The following ROBO2 variants were observed in gnomAD, a reference collection of about 807,000 sequenced individuals.
The protein encoded by ROBO2 is roundabout homolog 2.
A neutral mutation model predicts 160.8 loss-of-function variants in ROBO2; 53 were observed. That is an observed-to-expected ratio of 0.33 (90% CI 0.26 to 0.41). The LOEUF is 0.41. Ranked by LOEUF, ROBO2 falls within the 10% of genes least tolerant of loss-of-function variation. The pLI is 1.00. For synonymous variants in ROBO2, 664 were observed against 611.7 expected (o/e 1.09, Z -1.26); for missense variants, 1,577 against 1,722.4 (o/e 0.92, Z 1.49).
intron 2 of ROBO2, among the ~76,000 whole-genome samples, chr3:76,610,767 G>T (rs1374102083): frequency 6.6e-6 from 1 of 151,460 alleles, no homozygotes; most frequent in Non-Finnish European, 1.5e-5. Context: ...TCTTTCTCCT[G>T]TGGTCCAGCG....
chr3:77,052,774 A>G (rs1295915389), intron 1 of ROBO2, among the ~76,000 whole-genome samples: 1 of 152,202 alleles, frequency 6.6e-6, no homozygotes, highest in African/African-American at 2.4e-5. Context: ...GTTAGTGATC[A>G]TATTCAGAAT....
At chr3:77,002,730 G>A (rs11918007) in intron 2 of ROBO2, among the ~76,000 whole-genome samples, 81,018 of 151,792 alleles carry the variant, frequency 0.53, 22,434 homozygotes, top group East Asian at 0.8. Context: ...AATCTCACCC[G>A]TAGATAATTA....
chr3:77,177,138 C>A (rs2150799989), intron 2 of ROBO2, among the ~76,000 whole-genome samples: 1 of 152,076 alleles, frequency 6.6e-6, no homozygotes. Flanking sequence ...GGATATGTCT[C>A]ATTGATTAGA....
chr3:76,981,563 G>A (rs963517876), intron 2 of ROBO2, among the ~76,000 whole-genome samples: 3 of 152,150 alleles, frequency 2.0e-5, no homozygotes, highest in African/African-American at 7.2e-5. Flanking sequence ...TTAGGTATAA[G>A]TTATCAGATT....
intron 2 of ROBO2, among the ~76,000 whole-genome samples, chr3:76,001,594 G>T (rs2065890864): frequency 6.6e-6 from 1 of 152,174 alleles, no homozygotes; most frequent in Admixed American, 6.5e-5. Flanking sequence ...CTGCAGTGCA[G>T]TGGTGCAATC....
intron 2 of ROBO2, among the ~76,000 whole-genome samples, chr3:76,797,303 A>G (rs949542012): frequency 1.3e-5 from 2 of 152,176 alleles, no homozygotes; most frequent in African/African-American, 4.8e-5. Flanking sequence ...GAAACTACAA[A>G]TATGTGGAAA....
chr3:77,205,843 C>A (rs1032149624), intron 2 of ROBO2, among the ~76,000 whole-genome samples: 5 of 152,092 alleles, frequency 3.3e-5, no homozygotes, highest in African/African-American at 9.7e-5. Context: ...TTGAAACATG[C>A]GTAAGATCAG....
At chr3:76,167,737 T>A (rs184765366) in intron 2 of ROBO2, among the ~76,000 whole-genome samples, 1 of 152,326 alleles carries the variant, frequency 6.6e-6, no homozygotes, top group African/African-American at 2.4e-5. Flanking sequence ...TCTGAACAAG[T>A]TGACTTTCTT....
At chr3:76,818,154 C>T (rs959836716) in intron 2 of ROBO2, among the ~76,000 whole-genome samples, 24 of 151,768 alleles carry the variant, frequency 1.6e-4, no homozygotes, top group African/African-American at 5.6e-4. Flanking sequence ...ACATCCACAC[C>T]GACATCTATT....
chr3:76,486,225 T>G (rs547706524), intron 2 of ROBO2, among the ~76,000 whole-genome samples: 56 of 152,324 alleles, frequency 3.7e-4, no homozygotes, highest in African/African-American at 1.1e-3. Flanking sequence ...ACAGGGGCAT[T>G]GTCAAGATGA....
chr3:76,231,987 A>T lies in ROBO2; in HGVS notation c.109+294385A>T, dbSNP rs1014384791. Among the ~76,000 whole-genome samples the T allele has an allele frequency of 4.6e-5, 7 of 152,186 alleles. No individual in the cohort carries two copies. In the East Asian group the frequency reaches 1.3e-3, roughly 29 times the overall value. On this transcript the variant is annotated intron_variant, in intron 2 of 26. Transcript: ENST00000487694. Reference sequence around the variant, plus strand: ...AAAATTGTGTCCTCATTAGTAAAATAAATTTATAGATTAAAGGCTAACTTG... The same window carrying T: ...AAAATTGTGTCCTCATTAGTAAAATTAATTTATAGATTAAAGGCTAACTTG...
chr3:76,942,376 T>A (rs2078246482), intron 2 of ROBO2, among the ~76,000 whole-genome samples: 1 of 152,198 alleles, frequency 6.6e-6, no homozygotes, highest in Non-Finnish European at 1.5e-5. Context: ...CAGCCTCCTT[T>A]ATTGTTTTGA....
At chr3:77,538,807 A>C (rs987595990) in intron 6 of ROBO2, 3 of 448,754 alleles carry the variant, frequency 6.7e-6, no homozygotes, top group Non-Finnish European at 1.3e-5. Flanking sequence ...GTAAACATTT[A>C]TCTCTTACTA....
chr3:76,861,425 T>C (rs1480381411), intron 2 of ROBO2, among the ~76,000 whole-genome samples: 1 of 152,156 alleles, frequency 6.6e-6, no homozygotes, highest in Non-Finnish European at 1.5e-5. Flanking sequence ...ATTCTAATGC[T>C]ACTATTTTTG....
At chr3:76,123,589 T>G (rs1392360604) in intron 2 of ROBO2, among the ~76,000 whole-genome samples, 1 of 152,208 alleles carries the variant, frequency 6.6e-6, no homozygotes, top group East Asian at 1.9e-4. Context: ...TTTGCTGGTT[T>G]CCTCTGCTTC....
chr3:75,948,921 A>G (rs550450593), intron 2 of ROBO2, among the ~76,000 whole-genome samples: 2 of 152,226 alleles, frequency 1.3e-5, no homozygotes, highest in Admixed American at 1.3e-4. Flanking sequence ...CTGTTAGGAC[A>G]TTTATTTCCA....
intron 5 of ROBO2, among the ~76,000 whole-genome samples, chr3:77,501,044 A>T (rs1220425603): frequency 6.6e-6 from 1 of 152,206 alleles, no homozygotes; most frequent in Non-Finnish European, 1.5e-5. Context: ...TCTGTGTGCC[A>T]CCTGTCATTG....
intron 2 of ROBO2, among the ~76,000 whole-genome samples, chr3:76,516,542 G>A (rs1254638387): frequency 6.6e-6 from 1 of 152,146 alleles, no homozygotes; most frequent in Non-Finnish European, 1.5e-5. Context: ...TCATTGGACT[G>A]TGAACTTGGC....
At position 76,453,465 on chromosome 3, in the gene ROBO2, T is replaced by A. The variant is rs183119415; in HGVS notation, c.109+515863T>A. Among the ~76,000 whole-genome samples the A allele has an allele frequency of 1.1e-3, 171 of 152,216 alleles. 4 individuals are homozygous for A. The highest frequency in any genetic ancestry group is 0.011 in the Admixed American group (163 of 15,276). On this transcript the variant is annotated intron_variant, in intron 2 of 26. Coordinates refer to the ROBO2 transcript ENST00000487694. ...TCCCCATTGCTTGTTTGTCTCAGGTTTGTCAAAGATCAGATAGTTGTAGAT... is the reference window on the plus strand; with the variant it reads ...TCCCCATTGCTTGTTTGTCTCAGGTATGTCAAAGATCAGATAGTTGTAGAT...
Sources: gnomAD v4.1 joint callset for allele counts (sites outside exome capture counted in the v4.1 genomes callset) on GRCh38, gnomAD v4.1.1 for gene constraint, MANE v1.5 for transcripts, NCBI Gene and HGNC (gene_info 2026-07-23, HGNC 2026-07-21) for gene names.